Variants in NLRP13 observed in about 807,000 individuals in gnomAD.
NLRP13 encodes the protein NLR family pyrin domain containing 13, also known as NACHT, LRR and PYD domains-containing protein 13.
NLRP13 carries 82 observed loss-of-function variants against 94.4 expected under a neutral mutation model. The ratio of observed to expected loss-of-function variants is 0.87; its 90% confidence interval spans 0.73 to 1.04. The LOEUF is 1.04. NLRP13 is among the 50% of genes least tolerant of loss of function. NLRP13 has a pLI of 0.00. For synonymous variants in NLRP13, 553 were observed against 464.7 expected (o/e 1.19, Z -2.45); for missense variants, 1,426 against 1,230.8 (o/e 1.16, Z -2.37).
chr19:55,895,139 C>G (rs36195480), downstream of NLRP13, among the ~76,000 whole-genome samples: 1 of 149,982 alleles, frequency 6.7e-6, no homozygotes, highest in Non-Finnish European at 1.5e-5. Context: ...CGCCTGTAAT[C>G]GCAGCACTTT....
At chr19:55,907,729 A>G (rs941450012) in intron 7 of NLRP13, 63 bp downstream of exon 7, 17 of 1,511,436 alleles carry the variant, frequency 1.1e-5, no homozygotes, top group Non-Finnish European at 1.6e-5. Flanking sequence ...CTCCCAGTGG[A>G]TCGTGGAAGC....
At position 55,906,746 on chromosome 19, in the gene NLRP13, G is replaced by A. The variant is rs745804934; in HGVS notation, c.2447+1046C>T. Among the ~76,000 whole-genome samples the A allele has an allele frequency of 1.0e-3, 74 of 73,536 alleles. 1 individual carries two copies. The highest frequency in any genetic ancestry group is 3.2e-4 in the Non-Finnish European group (12 of 37,842). 48.2% of individuals were successfully genotyped at this position (73,536 alleles called of 152,430 possible). ...GTTACTCTTTGAAAGAGTGATCTGT[G>A]TTTACAGACCCCCCCCTGCTCCATG... is the stretch of plus-strand genomic sequence containing the variant. On this transcript the variant is annotated intron_variant, in intron 7 of 10. Transcript: ENST00000342929.
rs1344902529 is a variant in NLRP13, at chr19:55,896,057, C to T, written c.3020G>A (p.Ser1007Asn). 6.2e-7 allele frequency: 1 copy of T among 1,614,198 alleles called. No individual in the cohort carries two copies. The highest frequency in any genetic ancestry group is 1.1e-5 in the South Asian group (1 of 91,080). ...CQHLFSVLSS[S>N]KSLVNLNLLG... Reference sequence around the variant, plus strand: ...AAGGTTCAGATTGACCAGGCTCTTACTGCTGCTGAGAACAGAGAAGAGATG... The same window carrying T: ...AAGGTTCAGATTGACCAGGCTCTTATTGCTGCTGAGAACAGAGAAGAGATG... Residue 1007 changes from serine (S) to asparagine (N), a missense_variant, in exon 11 of 11, where the codon AGT (serine) becomes AAT (asparagine). Transcript: ENST00000342929.
downstream of NLRP13, chr19:55,891,788 A>G: frequency 3.1e-6 from 1 of 318,588 alleles, no homozygotes; most frequent in Non-Finnish European, 5.7e-6. Flanking sequence ...GGCACAGCCA[A>G]CTTATGATCT....
At chr19:55,901,576 G>A (rs1986176630) in intron 9 of NLRP13, among the ~76,000 whole-genome samples, 1 of 152,138 alleles carries the variant, frequency 6.6e-6, no homozygotes, top group African/African-American at 2.4e-5. Context: ...AGAAGGAAAG[G>A]GAAGGGGAGC....
chr19:55,912,946 C>A lies in NLRP13; in HGVS notation c.871G>T (p.Asp291Tyr), dbSNP rs753708026. The stretch of plus-strand genomic sequence containing the variant: ...AACTCTTCAATGGGGGCATCAAAAT[C>A]GGGCCAATCCAAAGAAATCAATTCA... Reference protein sequence around the residue: ...FAELISLDWPDFDAPIEEFMS... With the variant: ...FAELISLDWPYFDAPIEEFMS... Residue 291 changes from aspartate to tyrosine, a missense_variant, in exon 5 of 11, where the codon GAT becomes TAT. Coordinates refer to ENST00000342929, the MANE Select transcript of NLRP13 (RefSeq NM_176810.2). 2.7e-5 allele frequency: 43 copies of A among 1,613,868 alleles called. No homozygotes were observed. Among genetic ancestry groups the A allele is most frequent in the Non-Finnish European group, 3.6e-5 (43 of 1,179,880 alleles).
chr19:55,918,735 TTAA>T (rs1335413605), intron 4 of NLRP13, among the ~76,000 whole-genome samples: 1 of 151,852 alleles, frequency 6.6e-6, no homozygotes, highest in Non-Finnish European at 1.5e-5. Flanking sequence ...ATTTAAAAAA[TTAA>T]TAACAAAAAA....
intron 8 of NLRP13, among the ~76,000 whole-genome samples, chr19:55,904,453 G>C (rs775117629): frequency 6.6e-6 from 1 of 152,122 alleles, no homozygotes; most frequent in African/African-American, 2.4e-5. Context: ...TGCTTCATCT[G>C]AGTCTCTATT....
chr19:55,931,550 T>C (rs946592053), intron 1 of NLRP13, among the ~76,000 whole-genome samples: 2 of 150,412 alleles, frequency 1.3e-5, no homozygotes, highest in East Asian at 2.0e-4. Context: ...CTACTAAAAA[T>C]ACAAAAAAAT....
Position 55,907,942 on chromosome 19 carries a change from G to A in NLRP13, c.2297C>T (p.Thr766Ile). The A allele has an allele frequency of 6.2e-7, 1 of 1,600,146 alleles. No homozygotes were observed. Among genetic ancestry groups the A allele is most frequent in the Non-Finnish European group, 8.5e-7 (1 of 1,170,656 alleles). The change falls in exon 7 of 11, where the codon ACT (threonine) becomes ATT (isoleucine). Residue 766 changes from threonine (T) to isoleucine (I), a missense_variant. Transcript: ENST00000342929. Reference protein sequence around the residue: ...KVQKLTCKSVTPEWVLQDLII... With the variant: ...KVQKLTCKSVIPEWVLQDLII... ...GAGGTCCTGCAGAACCCACTCAGGAGTTACCGATTTGCACCTGAGGAAGGG... is the reference window on the plus strand; with the variant it reads ...GAGGTCCTGCAGAACCCACTCAGGAATTACCGATTTGCACCTGAGGAAGGG...
At chr19:55,921,398 G>A (rs530801043) in intron 4 of NLRP13, among the ~76,000 whole-genome samples, 51 of 152,234 alleles carry the variant, frequency 3.4e-4, no homozygotes, top group Admixed American at 5.9e-4. Flanking sequence ...TTGACTATAA[G>A]CTTTAGATTA....
intron 10 of NLRP13, among the ~76,000 whole-genome samples, chr19:55,897,154 A>T (rs1486009976): frequency 6.6e-6 from 1 of 152,236 alleles, no homozygotes; most frequent in East Asian, 1.9e-4. Context: ...CTAGAAACAC[A>T]AAGACAAAAG....
At chr19:55,899,015 A>C in intron 9 of NLRP13, 78 bp from the exon 10 acceptor site, 196 of 1,442,270 alleles carry the variant, frequency 1.4e-4, no homozygotes, top group Non-Finnish European at 1.7e-4. Flanking sequence ...TGCCCATCTC[A>C]CGTCCAAGGA....
chr19:55,926,207 T>C (rs1421049819), intron 1 of NLRP13, among the ~76,000 whole-genome samples: 2 of 152,226 alleles, frequency 1.3e-5, no homozygotes, highest in Non-Finnish European at 2.9e-5. Context: ...GTATCAGGCA[T>C]CACCATCTGG....
At position 55,912,956 on chromosome 19, in the gene NLRP13, C is replaced by T; in HGVS notation, c.861G>A (p.Leu287=). The change falls in exon 5 of 11, where the codon TTG becomes TTA. Residue 287 remains leucine (L), a synonymous_variant. Transcript: ENST00000342929. ...KETTFAELIS[L]DWPDFDAPIE... ...TGGGGGCATCAAAATCGGGCCAATC[C>T]AAAGAAATCAATTCAGCAAAGGTAG... The T allele has an allele frequency of 1.2e-6, 2 of 1,614,006 alleles. No individual in the cohort carries two copies. The highest frequency in any genetic ancestry group is 1.7e-6 in the Non-Finnish European group (2 of 1,179,906).
chr19:55,901,386 A>G (rs1203968622), intron 9 of NLRP13, among the ~76,000 whole-genome samples: 1 of 152,158 alleles, frequency 6.6e-6, no homozygotes, highest in East Asian at 1.9e-4. Context: ...TTTCTTAGAT[A>G]ATGTGGGCAC....
At position 55,932,072 on chromosome 19, in the gene NLRP13, C is replaced by G; in HGVS notation, c.240G>C (p.Gln80His). ...AGATGCCGAGGACCACTTTCCATGCCTGACCTTTTGGGAAGTGTTCATCCA... is the reference window on the plus strand; with the variant it reads ...AGATGCCGAGGACCACTTTCCATGCGTGACCTTTTGGGAAGTGTTCATCCA... ...FLLDEHFPKG[Q>H]AWKVVLGIFQ... Residue 80 changes from glutamine (Q) to histidine (H), a missense_variant, in exon 1 of 11, where the codon CAG becomes CAC. Gln to His is a conservative substitution (Grantham distance 24, BLOSUM62 0). Transcript: ENST00000342929. The G allele has an allele frequency of 5.0e-6, 8 of 1,614,142 alleles. No individual in the cohort carries two copies. The highest frequency in any genetic ancestry group is 6.8e-6 in the Non-Finnish European group (8 of 1,180,034).
chr19:55,918,039 A>G (rs1294812307), intron 4 of NLRP13, among the ~76,000 whole-genome samples: 1 of 152,088 alleles, frequency 6.6e-6, no homozygotes, highest in Non-Finnish European at 1.5e-5. Context: ...AAATTTTTTA[A>G]AAATGGAAAT....
intron 4 of NLRP13, 98 bp from the exon 5 acceptor site, chr19:55,913,391 G>C: frequency 7.6e-7 from 1 of 1,315,240 alleles, no homozygotes; most frequent in Non-Finnish European, 1.0e-6. Flanking sequence ...TTGAATAAGA[G>C]AAACTCTGCC....
Sources: allele counts gnomAD v4.1 joint callset (sites outside exome capture counted in the v4.1 genomes callset), GRCh38; gene constraint gnomAD v4.1.1; transcripts MANE v1.5; gene names NCBI Gene and HGNC (gene_info 2026-07-23, HGNC 2026-07-21).